Variants in BIN3 observed in about 807,000 individuals in gnomAD.
BIN3 encodes bridging integrator 3.
In BIN3, 41 loss-of-function variants were observed where a neutral mutation model predicts 38.2. That is an observed-to-expected ratio of 1.07 (90% confidence interval 0.84 to 1.39). The LOEUF (loss-of-function observed/expected upper bound fraction) is 1.39. Among genes scored for constraint, BIN3 ranks in the 40% most tolerant of loss-of-function variants. The pLI, the probability that BIN3 is intolerant of heterozygous loss-of-function variation, is 0.00. For missense variants in BIN3, 361 were observed against 324.3 expected, an observed-to-expected ratio of 1.11 and a Z score of -0.87; for synonymous variants, 145 against 122.6, an observed-to-expected ratio of 1.18 and a Z score of -1.21.
chr8:22,666,721 C>T (rs1803433522), intron 1 of BIN3, among the ~76,000 whole-genome samples: 1 of 152,210 alleles, frequency 6.6e-6, no homozygotes, highest in South Asian at 2.1e-4. Flanking sequence ...GGACATTTCT[C>T]ACTGTGACAT....
At chr8:22,642,936 C>A (rs930332618) in intron 2 of BIN3, among the ~76,000 whole-genome samples, 1 of 152,180 alleles carries the variant, frequency 6.6e-6, no homozygotes, top group Non-Finnish European at 1.5e-5. Flanking sequence ...TGCATCTGCC[C>A]GCACTGCGAG....
chr8:22,650,511 T>C (rs1802857202), intron 1 of BIN3, among the ~76,000 whole-genome samples: 1 of 152,252 alleles, frequency 6.6e-6, no homozygotes, highest in African/African-American at 2.4e-5. Flanking sequence ...TATTTACCTA[T>C]ATTTACTTTA....
At chr8:22,653,433 T>C (rs551185179) in intron 1 of BIN3, among the ~76,000 whole-genome samples, 2 of 152,368 alleles carry the variant, frequency 1.3e-5, no homozygotes, top group South Asian at 4.1e-4. Flanking sequence ...ATCATTTTTG[T>C]GTTCCATTAT....
intron 1 of BIN3, among the ~76,000 whole-genome samples, chr8:22,662,186 G>C (rs1273407954): frequency 6.6e-6 from 1 of 152,158 alleles, no homozygotes; most frequent in Non-Finnish European, 1.5e-5. Flanking sequence ...TCACACTCCT[G>C]GCATGTGTCC....
chr8:22,669,086 GC>G lies in BIN3; in HGVS notation c.-36del, dbSNP rs1803525739. 6.3e-7 allele frequency: 1 copy of G among 1,588,356 alleles called. No individual in the cohort carries two copies. The highest frequency in any genetic ancestry group is 1.3e-5 in the African/African-American group (1 of 74,364). ...CCTGCGTCTGCCGCCGGGGTCCTCAGCCACAACTCGTTTCTCTAGGGTCACT... is the reference window on the plus strand; with the variant it reads ...CCTGCGTCTGCCGCCGGGGTCCTCAGCACAACTCGTTTCTCTAGGGTCACT... On this transcript the variant is annotated 5_prime_UTR_variant, in exon 1 of 9. Transcript: ENST00000276416.
chr8:22,623,909 C>A lies in BIN3; in HGVS notation c.615+6G>T, dbSNP rs1378318049. The A allele has an allele frequency of 2.5e-6, 4 of 1,610,802 alleles. No individual in the cohort carries two copies. Among genetic ancestry groups the A allele is most frequent in the East Asian group, 4.5e-5 (2 of 44,832 alleles). On this transcript the variant is annotated splice_donor_region_variant and intron_variant, in intron 8 of 8. Coordinates refer to ENST00000276416, the MANE Select transcript of BIN3 (RefSeq NM_018688.6). ...AGCCCAGGGGAAGAGCACCTGGCGG[C>A]CTCACCTGAGCTCGGATGAGGGACT...
intron 8 of BIN3, among the ~76,000 whole-genome samples, chr8:22,623,693 T>C (rs1801915623): frequency 2.0e-5 from 3 of 152,170 alleles, no homozygotes; most frequent in Admixed American, 2.0e-4. Flanking sequence ...ATTCCTGGTA[T>C]GGGATTTACC....
chr8:22,633,394 C>T (rs996402866), intron 4 of BIN3, among the ~76,000 whole-genome samples: 2 of 152,330 alleles, frequency 1.3e-5, no homozygotes, highest in African/African-American at 4.8e-5. Flanking sequence ...CCTGCAGGGA[C>T]TGGGAGAGGG....
chr8:22,665,166 T>C (rs1803375559), intron 1 of BIN3, among the ~76,000 whole-genome samples: 1 of 150,846 alleles, frequency 6.6e-6, no homozygotes, highest in Non-Finnish European at 1.5e-5. Context: ...TCAGAAGGAG[T>C]GGGGAGGAGA....
intron 1 of BIN3, among the ~76,000 whole-genome samples, chr8:22,646,240 G>T (rs752932431): frequency 6.6e-6 from 1 of 152,190 alleles, no homozygotes; most frequent in Non-Finnish European, 1.5e-5. Context: ...GTAGACTCCC[G>T]ATCCCAGGTA....
At chr8:22,621,937 A>T (rs1219973466) in intron 8 of BIN3, among the ~76,000 whole-genome samples, 2 of 152,248 alleles carry the variant, frequency 1.3e-5, no homozygotes, top group African/African-American at 4.8e-5. Context: ...CATGGCAGAA[A>T]GACAGCATGG....
rs1802620249 is a variant in BIN3 at position 22,643,321 on chromosome 8, G to A, written c.57+1434C>T. ...ACCCTGCCTCTGCATGAAGCAGAGAGGCCCCACCCCCCAACTTTTTTTTTT... is the reference window on the plus strand; with the variant it reads ...ACCCTGCCTCTGCATGAAGCAGAGAAGCCCCACCCCCCAACTTTTTTTTTT... On this transcript the variant is annotated intron_variant, in intron 2 of 8. Coordinates refer to ENST00000276416, the MANE Select transcript of BIN3 (RefSeq NM_018688.6). Among the ~76,000 whole-genome samples, 3 of 146,076 alleles carry A rather than the reference G, an allele frequency of 2.1e-5. No individual in the cohort carries two copies. The South Asian group carries it at 6.9e-4, about 34-fold the overall frequency.
chr8:22,638,091 C>G (rs1429532567), intron 2 of BIN3, among the ~76,000 whole-genome samples: 1 of 152,172 alleles, frequency 6.6e-6, no homozygotes, highest in Non-Finnish European at 1.5e-5. Context: ...CTGGCTGCTC[C>G]CTGGGAATCC....
intron 1 of BIN3, among the ~76,000 whole-genome samples, chr8:22,656,004 A>T (rs1296896475): frequency 3.9e-5 from 6 of 152,114 alleles, no homozygotes; most frequent in Non-Finnish European, 7.4e-5. Flanking sequence ...CTCATTAAAA[A>T]TTTTTTTCCA....
At chr8:22,657,825 G>T (rs892460196) in intron 1 of BIN3, among the ~76,000 whole-genome samples, 4 of 152,224 alleles carry the variant, frequency 2.6e-5, no homozygotes, top group South Asian at 2.1e-4. Context: ...CAGGCACAGG[G>T]GACTTCCTTA....
intron 4 of BIN3, among the ~76,000 whole-genome samples, chr8:22,635,402 G>C (rs1429434009): frequency 1.3e-5 from 2 of 152,146 alleles, no homozygotes; most frequent in African/African-American, 4.8e-5. Flanking sequence ...TGCTGAGTGA[G>C]AGGAAGTGGG....
intron 1 of BIN3, among the ~76,000 whole-genome samples, chr8:22,648,252 A>G (rs1802774888): frequency 6.6e-6 from 1 of 152,070 alleles, no homozygotes; most frequent in African/African-American, 2.4e-5. Flanking sequence ...TACATTGGTC[A>G]CAAACAATGA....
At chr8:22,621,664 T>A (rs1453196882) in intron 8 of BIN3, 96 bp from the exon 9 acceptor site, 1 of 1,296,816 alleles carries the variant, frequency 7.7e-7, no homozygotes, top group Admixed American at 1.8e-5. Flanking sequence ...CCCCTGCCCT[T>A]ACCCATCTGG....
intron 6 of BIN3, among the ~76,000 whole-genome samples, chr8:22,629,338 G>A (rs530545755): frequency 2.0e-5 from 3 of 152,252 alleles, no homozygotes; most frequent in South Asian, 4.1e-4. Flanking sequence ...AGTGATTCGG[G>A]GCTTTAAGGC....
Sources: allele counts gnomAD v4.1 joint callset (sites outside exome capture counted in the v4.1 genomes callset), GRCh38; gene constraint gnomAD v4.1.1; transcripts MANE v1.5; gene names NCBI Gene and HGNC (gene_info 2026-07-23, HGNC 2026-07-21).